CEP63: variants seen among roughly 807,000 people sequenced by gnomAD.
The protein encoded by CEP63 is centrosomal protein 63.
CEP63 carries 84 observed loss-of-function variants against 89.1 expected under a neutral mutation model. That is an observed-to-expected ratio of 0.94 (90% confidence interval 0.79 to 1.13). The LOEUF (loss-of-function observed/expected upper bound fraction) is 1.13, where lower values mean the gene tolerates loss of function less well. CEP63 is among the 50% of genes most tolerant of loss of function. The pLI is 0.00. For synonymous variants in CEP63, 267 were observed against 272.5 expected, an observed-to-expected ratio of 0.98 and a Z score of 0.20; for missense variants, 838 against 813.3, an observed-to-expected ratio of 1.03 and a Z score of -0.37.
the CEP63 span, among the ~76,000 whole-genome samples, chr3:134,675,641 A>G: frequency 6.6e-6 from 1 of 152,346 alleles, no homozygotes; most frequent in East Asian, 1.9e-4. Context: ...TGCCTCATCA[A>G]TGACTCATAT....
chr3:134,621,330 C>G, the CEP63 span, among the ~76,000 whole-genome samples: 1 of 152,098 alleles, frequency 6.6e-6, no homozygotes, highest in Non-Finnish European at 1.5e-5. Flanking sequence ...TACTGTAGAA[C>G]TACAGTAATC....
downstream of CEP63, among the ~76,000 whole-genome samples, chr3:134,575,258 CCTTG>C (rs1958179914): frequency 1.1e-5 from 1 of 92,416 alleles, no homozygotes; most frequent in African/African-American, 4.1e-5. Context: ...TTCCTTCCTT[CCTTG>C]CTTCCCTCTT....
the CEP63 span, chr3:134,651,125 C>A: frequency 6.7e-7 from 1 of 1,495,286 alleles, no homozygotes; most frequent in Non-Finnish European, 8.9e-7. Flanking sequence ...GCTGACTCTG[C>A]CAAACACGCC....
At chr3:134,718,155 T>C in the CEP63 span, among the ~76,000 whole-genome samples, 5 of 152,178 alleles carry the variant, frequency 3.3e-5, no homozygotes, top group Non-Finnish European at 7.3e-5. Context: ...GGTTCTAGAA[T>C]GGGCATGTAA....
the CEP63 span, among the ~76,000 whole-genome samples, chr3:134,598,864 G>A: frequency 1.1e-3 from 161 of 152,202 alleles, 4 homozygotes; most frequent in East Asian, 0.025. Context: ...GGACATCCCC[G>A]TTAACTTTCA....
rs563720813 is a variant in CEP63 at position 134,555,229 on chromosome 3, C to G, written c.1468-2913C>G. ...AACTGGCACAAGACAGGGATGCCCT[C>G]TCTCATCACTCCTATTCAACATACT... On this transcript the variant is annotated intron_variant, in intron 12 of 14. Coordinates refer to ENST00000675561, the MANE Select transcript of CEP63 (RefSeq NM_001353108.3). 1.2e-3 allele frequency among the ~76,000 whole-genome samples: 178 copies of G among 152,238 alleles called. 1 individual carries two copies. Among genetic ancestry groups the G allele is most frequent in the African/African-American group, 4.1e-3 (171 of 41,536 alleles).
chr3:134,506,918 CAAAAAA>C (rs1229943667), intron 2 of CEP63, among the ~76,000 whole-genome samples, 185 bp from the exon 3 acceptor site: 1 of 24,272 alleles, frequency 4.1e-5, no homozygotes, highest in African/African-American at 1.4e-4. Flanking sequence ...AACTCCATCT[CAAAAAA>C]AAAAAAAAAA....
chr3:134,754,864 C>G, the CEP63 span, among the ~76,000 whole-genome samples: 2 of 152,126 alleles, frequency 1.3e-5, no homozygotes, highest in East Asian at 1.9e-4. Context: ...TCCCCCTAGC[C>G]CAATGAGTAA....
chr3:134,596,613 G>A, the CEP63 span, among the ~76,000 whole-genome samples: 1 of 152,176 alleles, frequency 6.6e-6, no homozygotes, highest in Non-Finnish European at 1.5e-5. Flanking sequence ...GGATGGTTAT[G>A]GACTGCTAGG....
chr3:134,757,905 G>A, the CEP63 span, among the ~76,000 whole-genome samples: 1 of 152,162 alleles, frequency 6.6e-6, no homozygotes. Context: ...GGAATGGAAA[G>A]CAGAGAAGGT....
At chr3:134,615,825 A>G in the CEP63 span, among the ~76,000 whole-genome samples, 6 of 152,312 alleles carry the variant, frequency 3.9e-5, no homozygotes, top group African/African-American at 1.4e-4. Context: ...TTAGGATTAT[A>G]GGGGACATAC....
At chr3:134,604,919 A>T in the CEP63 span, among the ~76,000 whole-genome samples, 2 of 152,136 alleles carry the variant, frequency 1.3e-5, no homozygotes, top group African/African-American at 4.8e-5. Flanking sequence ...CAATGCTGTC[A>T]TGTCAACGCA....
At chr3:134,650,815 C>T in the CEP63 span, 7 of 1,567,610 alleles carry the variant, frequency 4.5e-6, no homozygotes, top group East Asian at 2.4e-5. Flanking sequence ...CCGGGTCGGG[C>T]GCGCGTTACC....
chr3:134,546,147 A>G lies in CEP63; in HGVS notation c.790-2A>G, dbSNP rs773725359. The G allele has an allele frequency of 6.4e-5, 103 of 1,613,424 alleles. No homozygotes were observed. Among genetic ancestry groups the G allele is most frequent in the Admixed American group, 1.0e-4 (6 of 59,948 alleles). On this transcript the variant is annotated splice_acceptor_variant, in intron 7 of 14. Transcript: ENST00000675561. LOFTEE classifies it high-confidence loss of function. ...TTATAATCATATTTGACTTTTTTGC[A>G]GGCTCTGCAGGAAGAAAAGAGAGAA...
At chr3:134,776,927 C>T in the CEP63 span, among the ~76,000 whole-genome samples, 1 of 152,146 alleles carries the variant, frequency 6.6e-6, no homozygotes, top group Non-Finnish European at 1.5e-5. Flanking sequence ...TAGGCTGAGG[C>T]TGGTGCTTTT....
At chr3:134,511,975 C>T (rs1323957485) in intron 3 of CEP63, among the ~76,000 whole-genome samples, 12 of 152,182 alleles carry the variant, frequency 7.9e-5, no homozygotes, top group Non-Finnish European at 2.9e-5. Flanking sequence ...AATCAAATGA[C>T]AGGTCCATGA....
the CEP63 span, among the ~76,000 whole-genome samples, chr3:134,678,705 C>T: frequency 6.6e-6 from 1 of 152,188 alleles, no homozygotes; most frequent in Non-Finnish European, 1.5e-5. Context: ...AAGCAACTTA[C>T]CCAAGGTAGT....
At chr3:134,781,034 T>C in the CEP63 span, among the ~76,000 whole-genome samples, 4 of 152,240 alleles carry the variant, frequency 2.6e-5, no homozygotes, top group African/African-American at 9.6e-5. Flanking sequence ...CTCACCATTT[T>C]GTAATACTTC....
At chr3:134,600,148 A>C in the CEP63 span, among the ~76,000 whole-genome samples, 4 of 152,234 alleles carry the variant, frequency 2.6e-5, no homozygotes, top group Admixed American at 2.6e-4. Flanking sequence ...TGCCAATAGC[A>C]AATGATGTAG....
Sources: allele counts gnomAD v4.1 joint callset (sites outside exome capture counted in the v4.1 genomes callset), GRCh38; gene constraint gnomAD v4.1.1; transcripts MANE v1.5; gene names NCBI Gene and HGNC (gene_info 2026-07-23, HGNC 2026-07-21).